The following SLIT2 variants were observed in gnomAD, a reference collection of about 807,000 sequenced individuals.
The protein encoded by SLIT2 is slit guidance ligand 2, also known as slit homolog 2 protein.
A neutral mutation model predicts 185.7 loss-of-function variants in SLIT2; 41 were observed. The observed-to-expected ratio is 0.22, with a 90% CI of 0.17 to 0.29. The LOEUF (loss-of-function observed/expected upper bound fraction) is 0.29, where lower values mean the gene tolerates loss of function less well. Among genes scored for constraint, SLIT2 ranks in the 10% least tolerant of loss-of-function variants. The pLI is 1.00. For missense variants in SLIT2, 1,571 were observed against 1,909.0 expected (o/e 0.82, Z 3.30); for synonymous variants, 693 against 680.2 (o/e 1.02, Z -0.29).
intron 9 of SLIT2, among the ~76,000 whole-genome samples, chr4:20,505,531 A>G (rs1355661211): frequency 6.6e-6 from 1 of 152,076 alleles, no homozygotes; most frequent in Non-Finnish European, 1.5e-5. Context: ...TTAAAGTGCT[A>G]ATACTGTTTA....
intron 4 of SLIT2, among the ~76,000 whole-genome samples, chr4:20,286,695 G>T (rs1326974391): frequency 6.6e-6 from 1 of 152,108 alleles, no homozygotes; most frequent in Non-Finnish European, 1.5e-5. Flanking sequence ...CCAGCTACTC[G>T]GGAGGCTGAG....
At chr4:20,291,492 ATTTTTTTTTTTTTTTTTTTTTTTT>A (rs1157453738) in intron 4 of SLIT2, among the ~76,000 whole-genome samples, 1 of 18,268 alleles carries the variant, frequency 5.5e-5, no homozygotes, top group East Asian at 1.7e-3. Context: ...ATATATATAT[ATTTTTTTTTTTTTTTTTTTTTTTT>A]TTTTTTTACA....
intron 4 of SLIT2, among the ~76,000 whole-genome samples, chr4:20,428,480 G>A (rs1728723993): frequency 6.6e-6 from 1 of 152,152 alleles, no homozygotes; most frequent in East Asian, 1.9e-4. Flanking sequence ...AGAAAACGTA[G>A]TTGTATTTGT....
chr4:20,552,936 T>A (rs1051698526), intron 25 of SLIT2, among the ~76,000 whole-genome samples: 3 of 152,192 alleles, frequency 2.0e-5, no homozygotes, highest in African/African-American at 7.2e-5. Flanking sequence ...AAAGTTACTA[T>A]TTAGGATAAA....
intron 26 of SLIT2, chr4:20,554,372 G>A (rs1368536404): frequency 2.2e-6 from 1 of 458,896 alleles, no homozygotes; most frequent in Non-Finnish European, 4.4e-6. Context: ...CCAGTGTTCA[G>A]CCCAAACCTT....
chr4:20,355,632 G>T (rs565695414), intron 4 of SLIT2, among the ~76,000 whole-genome samples: 1 of 152,190 alleles, frequency 6.6e-6, no homozygotes, highest in South Asian at 2.1e-4. Flanking sequence ...TGAAACCTTT[G>T]ATTTAATACC....
chr4:20,256,774 T>G (rs752017651), intron 2 of SLIT2, 31 bp downstream of exon 2: 1 of 1,119,938 alleles, frequency 8.9e-7, no homozygotes, highest in Non-Finnish European at 1.3e-6. Flanking sequence ...TTTAAATAAT[T>G]TTTTAAGGTT....
At chr4:20,491,933 C>A in intron 9 of SLIT2, 34 bp downstream of exon 9, 1 of 1,599,310 alleles carries the variant, frequency 6.3e-7, no homozygotes, top group African/African-American at 1.3e-5. Flanking sequence ...ATCTCCCCAC[C>A]TTCCCGGTGA....
intron 26 of SLIT2, chr4:20,554,206 T>A: frequency 1.7e-6 from 1 of 581,876 alleles, no homozygotes; most frequent in Non-Finnish European, 3.1e-6. Context: ...TGAAAGTGTA[T>A]CAAAAAACGT....
Position 20,596,448 on chromosome 4 carries a change from C to A in SLIT2, c.3354C>A (p.Val1118=). The A allele has an allele frequency of 6.2e-7, 1 of 1,613,952 alleles. No homozygotes were observed. Among genetic ancestry groups the A allele is most frequent in the Non-Finnish European group, 8.5e-7 (1 of 1,179,900 alleles). Residue 1118 remains valine, a synonymous_variant, in exon 32 of 37, where the codon GTC becomes GTA. Transcript: ENST00000504154. The stretch of plus-strand genomic sequence containing the variant: ...TCTGTGAGTTTTCTCCACCCATGGT[C>A]CTCCCTCGTACCAGCCCCTGTGATA... The part of the protein sequence containing the change: ...GLFCEFSPPM[V]LPRTSPCDNF...
chr4:20,533,546 C>A (rs1721990984), intron 17 of SLIT2, 26 bp from the exon 18 acceptor site: 8 of 1,555,738 alleles, frequency 5.1e-6, no homozygotes, highest in Non-Finnish European at 7.1e-6. Flanking sequence ...TTATTTAAAA[C>A]CTTTGTTCCA....
At position 20,295,106 on chromosome 4, in the gene SLIT2, G is replaced by T. The variant is rs995674427; in HGVS notation, c.395+26225G>T. 4.6e-5 allele frequency among the ~76,000 whole-genome samples: 7 copies of T among 152,174 alleles called. No homozygotes were observed. The East Asian group carries it at 1.3e-3, about 29-fold the overall frequency. ...GCTCATGTCAAGGGTTTGGGGCCAG[G>T]TATTTGGCAGGACTTCACTGTTGGG... On this transcript the variant is annotated intron_variant, in intron 4 of 36. Transcript: ENST00000504154.
At chr4:20,414,038 C>G (rs977359530) in intron 4 of SLIT2, among the ~76,000 whole-genome samples, 15 of 152,002 alleles carry the variant, frequency 9.9e-5, no homozygotes, top group African/African-American at 3.6e-4. Flanking sequence ...GTGTTTTTCT[C>G]TCTTATTGCT....
At chr4:20,594,476 C>T (rs2148955949) in intron 30 of SLIT2, among the ~76,000 whole-genome samples, 1 of 151,964 alleles carries the variant, frequency 6.6e-6, no homozygotes, top group African/African-American at 2.4e-5. Context: ...AATGTGTAAG[C>T]CTAATAAATC....
chr4:20,587,547 G>A (rs1367819272), intron 29 of SLIT2, among the ~76,000 whole-genome samples: 2 of 152,196 alleles, frequency 1.3e-5, no homozygotes, highest in African/African-American at 4.8e-5. Context: ...TTAGCTAACA[G>A]TTTCTTGGAA....
At chr4:20,539,374 C>T (rs958361917) in intron 18 of SLIT2, 67 bp from the exon 19 acceptor site, 2 of 1,442,862 alleles carry the variant, frequency 1.4e-6, no homozygotes, top group African/African-American at 1.5e-5. Context: ...TCATTTCGAT[C>T]CTCAGATAGG....
chr4:20,376,615 A>G (rs1333443136), intron 4 of SLIT2, among the ~76,000 whole-genome samples: 2 of 152,104 alleles, frequency 1.3e-5, no homozygotes, highest in Admixed American at 1.3e-4. Context: ...AGCCCCTGCA[A>G]GAGACCTTAT....
At chr4:20,571,199 C>A (rs935541774) in intron 29 of SLIT2, among the ~76,000 whole-genome samples, 2 of 152,116 alleles carry the variant, frequency 1.3e-5, no homozygotes, top group Non-Finnish European at 2.9e-5. Context: ...CTGTCAAGAG[C>A]CATTTGGCTC....
At chr4:20,577,043 A>G (rs1726136857) in intron 29 of SLIT2, among the ~76,000 whole-genome samples, 2 of 151,972 alleles carry the variant, frequency 1.3e-5, no homozygotes, top group Admixed American at 6.6e-5. Context: ...GCAGGACACC[A>G]TGCTAAGTAT....
Sources: gnomAD v4.1 joint callset for allele counts (sites outside exome capture counted in the v4.1 genomes callset) on GRCh38, gnomAD v4.1.1 for gene constraint, MANE v1.5 for transcripts, NCBI Gene and HGNC (gene_info 2026-07-23, HGNC 2026-07-21) for gene names.